The following BZW1 variants were observed in gnomAD, a reference collection of about 807,000 sequenced individuals.
BZW1 encodes basic leucine zipper and W2 domains 1.
In BZW1, 3 loss-of-function variants were observed where a neutral mutation model predicts 54.1. The observed-to-expected ratio is 0.06, with a 90% CI of 0.03 to 0.14. The LOEUF (loss-of-function observed/expected upper bound fraction) is 0.14, where lower values mean the gene tolerates loss of function less well. Ranked by LOEUF, BZW1 falls within the 10% of genes least tolerant of loss-of-function variation. The pLI is 1.00. For synonymous variants in BZW1, 152 were observed against 162.7 expected, an observed-to-expected ratio of 0.93 and a Z score of 0.50; for missense variants, 206 against 491.7, an observed-to-expected ratio of 0.42 and a Z score of 5.50.
intron 9 of BZW1, 55 bp downstream of exon 9, chr2:200,818,956 G>A: frequency 4.0e-6 from 6 of 1,497,578 alleles, no homozygotes; most frequent in Non-Finnish European, 5.3e-6. Context: ...GTGGTGATAA[G>A]TGAACTGTGA....
rs2038620273 is a variant in BZW1, at chr2:200,823,936, TTAAG to T, written c.*1762_*1765del. 6.6e-6 allele frequency: 1 copy of T among 152,310 alleles called. No homozygotes were observed. The highest frequency in any genetic ancestry group is 2.4e-5 in the African/African-American group (1 of 41,540). 9.4% of individuals were successfully genotyped at this position (152,310 alleles called of 1,614,324 possible). On this transcript the variant is annotated 3_prime_UTR_variant, in exon 12 of 12. Coordinates refer to ENST00000409600, the MANE Select transcript of BZW1 (RefSeq NM_001207067.2). ...ATGTCTTTACTGTATCTGTATACCA[TTAAG>T]TAATAATTAGACTCCCAAACTGTAA...
Position 200,815,426 on chromosome 2 carries a change from A to C in BZW1, c.150A>C (p.Val50=), listed in dbSNP as rs569745449. Residue 50 remains valine, a synonymous_variant, in exon 3 of 12, where the codon GTA becomes GTC. Coordinates refer to ENST00000409600, the MANE Select transcript of BZW1 (RefSeq NM_001207067.2). ...AAACCGGTACTGATTTGGAAGCAGT[A>C]GCTAAGTTTCTTGATGCTTCTGGAG... ...LTETGTDLEA[V]AKFLDASGAK... The C allele has an allele frequency of 1.1e-5, 18 of 1,614,044 alleles. No individual in the cohort carries two copies. In the East Asian group the frequency reaches 3.8e-4, roughly 34 times the overall value.
chr2:200,812,834 T>A, intron 1 of BZW1: 1 of 667,536 alleles, frequency 1.5e-6, no homozygotes. Context: ...GCCTGCTGAC[T>A]ATGGTGATAA....
At chr2:200,816,543 G>T (rs750500791) in intron 5 of BZW1, among the ~76,000 whole-genome samples, 153 bp downstream of exon 5, 15 of 152,200 alleles carry the variant, frequency 9.9e-5, no homozygotes, top group Non-Finnish European at 1.9e-4. Context: ...CAGGCTGGGG[G>T]TGCAGTGGCT....
chr2:200,820,260 G>T (rs2038460656), intron 10 of BZW1, 140 bp downstream of exon 10: 3 of 759,468 alleles, frequency 4.0e-6, no homozygotes, highest in Admixed American at 6.7e-5. Flanking sequence ...GATTAAATTG[G>T]GTGCTTTTTA....
At chr2:200,812,999 G>A (rs2038146738) in intron 1 of BZW1, 2 of 694,032 alleles carry the variant, frequency 2.9e-6, no homozygotes, top group South Asian at 1.5e-5. Flanking sequence ...AATTTGAAGG[G>A]TTTCTTGTAG....
At chr2:200,817,847 C>A in intron 6 of BZW1, 127 bp from the exon 7 acceptor site, 1 of 640,508 alleles carries the variant, frequency 1.6e-6, no homozygotes, top group Non-Finnish European at 2.6e-6. Flanking sequence ...CAGGAAAGTT[C>A]AGGGTTAAGT....
chr2:200,813,229 A>G lies in BZW1; in HGVS notation c.12A>G (p.Gln4=), dbSNP rs753931917. 1 of 1,613,620 alleles carries G rather than the reference A, an allele frequency of 6.2e-7. No individual in the cohort carries two copies. Residue 4 remains glutamine (Q), a synonymous_variant, in exon 2 of 12, where the codon CAA becomes CAG. Transcript: ENST00000409600. The part of the protein sequence containing the change: MNN[Q]KQQKPTLSGQ... ...CTAGGGTGTCTTTTATGAATAATCAAAAGCAGCAAAAGCCAACGCTATCAG... is the reference window on the plus strand; with the variant it reads ...CTAGGGTGTCTTTTATGAATAATCAGAAGCAGCAAAAGCCAACGCTATCAG...
At position 200,815,409 on chromosome 2, in the gene BZW1, A is replaced by G. The variant is rs372199927; in HGVS notation, c.133A>G (p.Thr45Ala). ...TATTCAAGGCTTAACTGAAACCGGT[A>G]CTGATTTGGAAGCAGTAGCTAAGTT... ...CIIQGLTETGTDLEAVAKFLD... is the reference protein window; with the variant it reads ...CIIQGLTETGADLEAVAKFLD... Residue 45 changes from threonine (T) to alanine (A), a missense_variant, in exon 3 of 12, where the codon ACT (threonine) becomes GCT (alanine). Around this residue, in one of 5 missense-constraint regions of BZW1, gnomAD observed 26 missense variants for 26.9 expected, o/e 0.97. Coordinates refer to ENST00000409600, the MANE Select transcript of BZW1 (RefSeq NM_001207067.2). The G allele has an allele frequency of 8.1e-6, 13 of 1,613,882 alleles. No homozygotes were observed. Among genetic ancestry groups the G allele is most frequent in the African/African-American group, 1.3e-5 (1 of 74,934 alleles).
chr2:200,814,056 C>T (rs1180166734), intron 2 of BZW1, among the ~76,000 whole-genome samples: 1 of 152,048 alleles, frequency 6.6e-6, no homozygotes, highest in East Asian at 1.9e-4. Flanking sequence ...CTGTCTGTCC[C>T]CTTGTAGTAG....
rs779232947 is a variant in BZW1 at position 200,816,367 on chromosome 2, G to A, written c.379G>A (p.Gly127Ser). 2 of 1,585,940 alleles carry A rather than the reference G, an allele frequency of 1.3e-6. No individual in the cohort carries two copies. The highest frequency in any genetic ancestry group is 1.7e-6 in the Non-Finnish European group (2 of 1,159,776). The change falls in exon 5 of 12, where the codon GGT becomes AGT. Residue 127 changes from glycine to serine, a missense_variant. By Grantham distance (56) the Gly-to-Ser change is moderately conservative. Transcript: ENST00000409600. ...CAGGCGCTACAAATACCTGGAGAAA[G>A]GTTTTGAAGATGAAGTAAAAAAGGT... ...LIRRYKYLEKGFEDEVKKLLL... is the reference protein window; with the variant it reads ...LIRRYKYLEKSFEDEVKKLLL...
chr2:200,813,451 CT>C, intron 2 of BZW1, 170 bp downstream of exon 2: 1 of 586,446 alleles, frequency 1.7e-6, no homozygotes, highest in South Asian at 2.2e-5. Flanking sequence ...ATTTCTACTG[CT>C]TTACTGCTCA....
intron 9 of BZW1, 21 bp downstream of exon 9, chr2:200,818,922 C>G: frequency 6.5e-7 from 1 of 1,536,240 alleles, no homozygotes; most frequent in Non-Finnish European, 8.7e-7. Flanking sequence ...TATGCCTTGA[C>G]AAAACAAACT....
Position 200,826,939 on chromosome 2 carries a change from G to GC in BZW1, c.*4762dup, listed in dbSNP as rs1156801697. 6.8e-6 allele frequency: 1 copy of GC among 147,620 alleles called. No homozygotes were observed. The highest frequency in any genetic ancestry group is 1.5e-5 in the Non-Finnish European group (1 of 67,476). 9.1% of individuals were successfully genotyped at this position (147,620 alleles called of 1,614,324 possible). ...TTCTTAAGGACAAAAATAGTTTACA[G>GC]CTTTTTTTTTTTTAATCTGAAATCC... On this transcript the variant is annotated 3_prime_UTR_variant, in exon 12 of 12. Transcript: ENST00000409600.
At chr2:200,821,699 G>A (rs2038522193) in intron 11 of BZW1, among the ~76,000 whole-genome samples, 1 of 152,088 alleles carries the variant, frequency 6.6e-6, no homozygotes, top group Non-Finnish European at 1.5e-5. Context: ...CCAGCCAAAT[G>A]TTGGGATTTC....
intron 8 of BZW1, among the ~76,000 whole-genome samples, 162 bp downstream of exon 8, chr2:200,818,555 G>C (rs1476122052): frequency 6.6e-6 from 1 of 152,194 alleles, no homozygotes; most frequent in Non-Finnish European, 1.5e-5. Context: ...TTCAGTGCCT[G>C]ACTGAGGCCC....
intron 6 of BZW1, among the ~76,000 whole-genome samples, chr2:200,817,641 CTT>C (rs34172011): frequency 1.2e-4 from 18 of 149,086 alleles, no homozygotes; most frequent in South Asian, 2.1e-4. Flanking sequence ...TTTTTTGAAG[CTT>C]TTTTTTTTTT....
rs1559318467 is a variant in BZW1 at position 200,826,425 on chromosome 2, T to TGATAGATAGA, written c.*4247_*4248insGATAGATAGA. The TGATAGATAGA allele has an allele frequency of 9.7e-6, 1 of 102,618 alleles. No homozygotes were observed. Among genetic ancestry groups the TGATAGATAGA allele is most frequent in the Non-Finnish European group, 2.1e-5 (1 of 47,702 alleles). 6.4% of individuals were successfully genotyped at this position (102,618 alleles called of 1,614,324 possible). A position where few individuals can be genotyped will look rare whatever the true frequency, so the allele number is the denominator to read the frequency against. On this transcript the variant is annotated 3_prime_UTR_variant, in exon 12 of 12. Coordinates refer to ENST00000409600, the MANE Select transcript of BZW1 (RefSeq NM_001207067.2). The stretch of plus-strand genomic sequence containing the variant: ...GATAGATATTTTTTTTTTTTTTTTT[T>TGATAGATAGA]TTTTTTTTTTTTTTTTTGAGACAGA...
intron 10 of BZW1, among the ~76,000 whole-genome samples, chr2:200,820,860 A>G (rs1165646750): frequency 6.6e-6 from 1 of 152,150 alleles, no homozygotes; most frequent in East Asian, 1.9e-4. Context: ...TAGCAACCCC[A>G]ATTTCAGTTA....
Sources: allele counts gnomAD v4.1 joint callset (sites outside exome capture counted in the v4.1 genomes callset), GRCh38; gene constraint gnomAD v4.1.1; regional missense constraint gnomAD v4.1.1; transcripts MANE v1.5; gene names NCBI Gene and HGNC (gene_info 2026-07-23, HGNC 2026-07-21).